ASIC2: variants seen among roughly 807,000 people sequenced by gnomAD.
ASIC2 encodes the protein acid sensing ion channel subunit 2.
In ASIC2, 25 loss-of-function variants were observed where a neutral mutation model predicts 57.3. The ratio of observed to expected loss-of-function variants is 0.44; its 90% CI spans 0.32 to 0.61. The LOEUF (loss-of-function observed/expected upper bound fraction) is 0.61, where lower values mean the gene tolerates loss of function less well. ASIC2 is among the 20% of genes least tolerant of loss of function. ASIC2 has a pLI of 0.06. For missense variants in ASIC2, 641 were observed against 738.1 expected, an observed-to-expected ratio of 0.87 and a Z score of 1.52; for synonymous variants, 319 against 307.5, an observed-to-expected ratio of 1.04 and a Z score of -0.39.
At chr17:33,551,026 TC>T (rs1736732746) in intron 1 of ASIC2, among the ~76,000 whole-genome samples, 1 of 152,188 alleles carries the variant, frequency 6.6e-6, no homozygotes, top group African/African-American at 2.4e-5. Flanking sequence ...TTTTATTTTT[TC>T]TGGATGATAT....
At chr17:33,020,391 C>T (rs1380053055) in intron 7 of ASIC2, among the ~76,000 whole-genome samples, 1 of 152,202 alleles carries the variant, frequency 6.6e-6, no homozygotes, top group Non-Finnish European at 1.5e-5. Context: ...AGGTAGGAGG[C>T]ACCTGCCCCT....
In ASIC2 at chr17:33,391,702, G is replaced by A. The variant is rs550936212; in HGVS notation, c.556-279635C>T. 6.6e-5 allele frequency among the ~76,000 whole-genome samples: 10 copies of A among 152,282 alleles called. No homozygotes were observed. The South Asian group carries it at 2.1e-3, about 32-fold the overall frequency. ...CCCAATATCTAAGTGCCTGTTGGGC[G>A]TGTTCACTGACATGTCAATGTTAAT... On this transcript the variant is annotated intron_variant, in intron 1 of 9. Transcript: ENST00000359872.
At chr17:33,377,059 G>C (rs76874547) in intron 1 of ASIC2, among the ~76,000 whole-genome samples, 15 of 152,046 alleles carry the variant, frequency 9.9e-5, no homozygotes, top group Admixed American at 4.6e-4. Flanking sequence ...TTTTTTGGAG[G>C]GGGGGAGCGG....
rs1905794555 is a variant in ASIC2 at position 33,621,452 on chromosome 17, TAGG to T, written c.556-509388_556-509386del. On this transcript the variant is annotated intron_variant, in intron 1 of 9. Transcript: ENST00000359872. ...AGTCGCAGATGTGTAAGGTCCATTT[TAGG>T]AGAATTGGGGAAGTAGTGCTCGTTA... Among the ~76,000 whole-genome samples, 4 of 152,346 alleles carry T rather than the reference TAGG, an allele frequency of 2.6e-5. No individual in the cohort carries two copies. The Middle Eastern group carries it at 0.01, about 389-fold the overall frequency.
intron 1 of ASIC2, among the ~76,000 whole-genome samples, chr17:33,201,989 G>C (rs1597627487): frequency 7.5e-6 from 1 of 132,690 alleles, no homozygotes; most frequent in East Asian, 2.2e-4. Context: ...CCAAGATCAT[G>C]CCACTTGGTG....
chr17:33,663,137 C>T (rs1329898365), intron 1 of ASIC2, among the ~76,000 whole-genome samples: 1 of 152,180 alleles, frequency 6.6e-6, no homozygotes, highest in African/African-American at 2.4e-5. Context: ...TTCAAAATAA[C>T]TCAGCAAGGT....
At chr17:33,942,235 C>A (rs1916208439) in intron 1 of ASIC2, among the ~76,000 whole-genome samples, 1 of 152,166 alleles carries the variant, frequency 6.6e-6, no homozygotes, top group African/African-American at 2.4e-5. Flanking sequence ...GTCACAGTCA[C>A]AGCTTGATAG....
At chr17:33,247,982 G>A (rs777632217) in intron 1 of ASIC2, among the ~76,000 whole-genome samples, 16 of 152,206 alleles carry the variant, frequency 1.1e-4, no homozygotes, top group South Asian at 4.2e-4. Flanking sequence ...ATATATATTC[G>A]AACACAATAT....
At chr17:33,576,982 T>C (rs750522638) in intron 1 of ASIC2, among the ~76,000 whole-genome samples, 35 of 152,226 alleles carry the variant, frequency 2.3e-4, no homozygotes, top group Non-Finnish European at 3.4e-4. Context: ...GGGCCTGACA[T>C]ATAGTATGTT....
At chr17:33,401,177 C>T (rs562963541) in intron 1 of ASIC2, among the ~76,000 whole-genome samples, 2 of 152,270 alleles carry the variant, frequency 1.3e-5, no homozygotes, top group African/African-American at 2.4e-5. Flanking sequence ...ATTTAACTGG[C>T]CAAAGGAAGT....
At chr17:33,159,013 A>G (rs550249383) in intron 1 of ASIC2, among the ~76,000 whole-genome samples, 3 of 152,310 alleles carry the variant, frequency 2.0e-5, no homozygotes, top group East Asian at 3.9e-4. Context: ...ACCTGAGCCC[A>G]GCTGAGAGTT....
intron 1 of ASIC2, chr17:34,002,781 G>A (rs1182455947): frequency 6.6e-6 from 1 of 151,992 alleles, no homozygotes; most frequent in East Asian, 1.9e-4. Flanking sequence ...AAAAAAAGCT[G>A]GTATGGTTTT....
In ASIC2 at chr17:33,080,151, A is replaced by G. The variant is rs80305193; in HGVS notation, c.987+8712T>C. 5.3e-4 allele frequency among the ~76,000 whole-genome samples: 80 copies of G among 152,168 alleles called. 6 individuals carry two copies. In the East Asian group the frequency reaches 0.015, roughly 29 times the overall value. On this transcript the variant is annotated intron_variant, in intron 3 of 9. Coordinates refer to ENST00000225823, the MANE Select transcript of ASIC2 (RefSeq NM_183377.2). ...CAATACAGCAACCTGGAGTACCACT[A>G]GGTAAGGGGTGGCAGGGGAAGAATT...
At chr17:33,278,116 A>G (rs1273841708) in intron 1 of ASIC2, among the ~76,000 whole-genome samples, 1 of 151,260 alleles carries the variant, frequency 6.6e-6, no homozygotes, top group African/African-American at 2.4e-5. Context: ...CTCAGTGAAG[A>G]TGTCACTTCC....
At chr17:33,580,545 G>C (rs1174418012) in intron 1 of ASIC2, among the ~76,000 whole-genome samples, 1 of 152,124 alleles carries the variant, frequency 6.6e-6, no homozygotes, top group African/African-American at 2.4e-5. Flanking sequence ...CCAATGCCAG[G>C]CTGCACTCAT....
intron 1 of ASIC2, among the ~76,000 whole-genome samples, chr17:33,973,365 G>A (rs767157876): frequency 1.4e-4 from 21 of 152,178 alleles, no homozygotes; most frequent in Non-Finnish European, 2.4e-4. Context: ...GCAGGCGGAG[G>A]CAAGCTGCCA....
intron 1 of ASIC2, among the ~76,000 whole-genome samples, chr17:33,651,237 T>C (rs1426197338): frequency 6.6e-6 from 1 of 152,164 alleles, no homozygotes; most frequent in Admixed American, 6.5e-5. Flanking sequence ...CCACTGTCGA[T>C]TTCCTGGTTT....
chr17:33,286,162 T>C (rs1213652669), intron 1 of ASIC2, among the ~76,000 whole-genome samples: 1 of 152,254 alleles, frequency 6.6e-6, no homozygotes, highest in African/African-American at 2.4e-5. Flanking sequence ...ATTTCTTGCT[T>C]TCTGTCCTGG....
intron 1 of ASIC2, among the ~76,000 whole-genome samples, chr17:34,152,811 T>C (rs949743220): frequency 6.6e-6 from 1 of 152,198 alleles, no homozygotes; most frequent in Non-Finnish European, 1.5e-5. Context: ...ACTCACATTA[T>C]CCAACACCAT....
Sources: gnomAD v4.1 joint callset for allele counts (sites outside exome capture counted in the v4.1 genomes callset) on GRCh38, gnomAD v4.1.1 for gene constraint, MANE v1.5 for transcripts, NCBI Gene and HGNC (gene_info 2026-07-23, HGNC 2026-07-21) for gene names.